ADCY8: variants seen among roughly 807,000 people sequenced by gnomAD.
The protein encoded by ADCY8 is adenylate cyclase type 8.
Under a neutral mutation model 119.7 loss-of-function variants are expected in ADCY8, and 51 were observed. The observed-to-expected ratio is 0.43, with a 90% CI of 0.34 to 0.54. ADCY8 has a LOEUF of 0.54. Ranked by LOEUF, ADCY8 falls within the 20% of genes least tolerant of loss-of-function variation. The pLI, the probability that ADCY8 is intolerant of heterozygous loss-of-function variation, is 0.03. For synonymous variants in ADCY8, 665 were observed against 651.0 expected, an observed-to-expected ratio of 1.02 and a Z score of -0.33; for missense variants, 1,383 against 1,598.8, an observed-to-expected ratio of 0.87 and a Z score of 2.30.
At chr8:130,834,144 T>C (rs1816918197) in intron 12 of ADCY8, among the ~76,000 whole-genome samples, 1 of 152,166 alleles carries the variant, frequency 6.6e-6, no homozygotes, top group Non-Finnish European at 1.5e-5. Flanking sequence ...CAAAAAATCA[T>C]GTTTTATACC....
chr8:130,825,747 C>A (rs891793046), intron 12 of ADCY8, among the ~76,000 whole-genome samples: 1 of 152,210 alleles, frequency 6.6e-6, no homozygotes, highest in Non-Finnish European at 1.5e-5. Context: ...ATGTGGCTAA[C>A]CTCTTCGCTG....
At chr8:131,031,588 T>G (rs1823998606) in intron 1 of ADCY8, among the ~76,000 whole-genome samples, 1 of 152,316 alleles carries the variant, frequency 6.6e-6, no homozygotes, top group Admixed American at 6.5e-5. Flanking sequence ...GTTTAGATCC[T>G]GAGGGCTTTA....
Position 131,039,742 on chromosome 8 carries a change from C to T in ADCY8, c.592G>A (p.Val198Ile). ...GCCGAGGCCAGGCTCAAGTGTAGGACCAAGAGAGTGAGTTTGGTCAGCACG... is the reference window on the plus strand; with the variant it reads ...GCCGAGGCCAGGCTCAAGTGTAGGATCAAGAGAGTGAGTTTGGTCAGCACG... ...LDVLTKLTLL[V>I]LHLSLASAPM... The change falls in exon 1 of 18, where the codon GTC (valine) becomes ATC (isoleucine). Residue 198 changes from valine to isoleucine, a missense_variant. By Grantham distance (29) the Val-to-Ile change is conservative (BLOSUM62 3). Around this residue, in one of 2 missense-constraint regions of ADCY8, gnomAD observed 455 missense variants for 435.3 expected, o/e 1.05. Transcript: ENST00000286355. 6.2e-7 allele frequency: 1 copy of T among 1,614,076 alleles called. No homozygotes were observed. The highest frequency in any genetic ancestry group is 8.5e-7 in the Non-Finnish European group (1 of 1,180,026).
intron 5 of ADCY8, among the ~76,000 whole-genome samples, chr8:130,918,636 C>CT (rs1476831331): frequency 6.6e-6 from 1 of 152,114 alleles, no homozygotes; most frequent in Non-Finnish European, 1.5e-5. Flanking sequence ...TAGATGTCAA[C>CT]TTAGAACTGT....
chr8:130,835,133 C>G lies in ADCY8; in HGVS notation c.2675+1144G>C, dbSNP rs371288437. Among the ~76,000 whole-genome samples the G allele has an allele frequency of 1.8e-4, 27 of 152,266 alleles. 2 individuals carry two copies. The East Asian group carries it at 2.5e-3, about 14-fold the overall frequency. On this transcript the variant is annotated intron_variant, in intron 12 of 17. Transcript: ENST00000286355. ...TTCCTTTGACTGTTGGCCACTTATT[C>G]TGGCCTCAGCTAGTCCTGTGTGCTT...
chr8:130,873,636 A>T (rs1433204572), intron 8 of ADCY8, among the ~76,000 whole-genome samples: 5 of 152,068 alleles, frequency 3.3e-5, no homozygotes, highest in Non-Finnish European at 7.4e-5. Flanking sequence ...TCTTTTTATC[A>T]AAGATTGTAG....
At chr8:130,856,119 G>T (rs573094744) in intron 9 of ADCY8, among the ~76,000 whole-genome samples, 1 of 151,766 alleles carries the variant, frequency 6.6e-6, no homozygotes, top group Non-Finnish European at 1.5e-5. Context: ...TAGGAGCCAG[G>T]TGAGCTGTCA....
Position 131,040,097 on chromosome 8 carries a change from G to C in ADCY8, c.237C>G (p.His79Gln). The C allele has an allele frequency of 2.0e-6, 3 of 1,528,914 alleles. No homozygotes were observed. The highest frequency in any genetic ancestry group is 1.7e-6 in the Non-Finnish European group (2 of 1,144,058). The allele number at this position is 1,528,914 out of a possible 1,614,324, so 94.7% of individuals were successfully genotyped here. A position where few individuals can be genotyped will look rare whatever the true frequency, so the allele number is the denominator to read the frequency against. Reference protein sequence around the residue: ...SDPAGGGPNHHAPQLSGDSAL... With the variant: ...SDPAGGGPNHQAPQLSGDSAL... ...CCGAGTCGCCTGACAGCTGCGGCGCGTGGTGGTTGGGGCCGCCGCCCGCAG... is the reference window on the plus strand; with the variant it reads ...CCGAGTCGCCTGACAGCTGCGGCGCCTGGTGGTTGGGGCCGCCGCCCGCAG... The change falls in exon 1 of 18, where the codon CAC becomes CAG. Residue 79 changes from histidine (H) to glutamine (Q), a missense_variant. His to Gln is a conservative substitution (Grantham distance 24). Around this residue, in one of 2 missense-constraint regions of ADCY8, gnomAD observed 455 missense variants for 435.3 expected, o/e 1.05. Transcript: ENST00000286355.
chr8:130,955,634 G>C (rs1002355721), intron 2 of ADCY8, among the ~76,000 whole-genome samples: 2 of 152,110 alleles, frequency 1.3e-5, no homozygotes, highest in African/African-American at 4.8e-5. Flanking sequence ...ATGTCAAATG[G>C]TGCCAAAAAT....
chr8:130,782,280 TA>T (rs1815106462), intron 17 of ADCY8, among the ~76,000 whole-genome samples: 1 of 152,204 alleles, frequency 6.6e-6, no homozygotes. Flanking sequence ...GTTAGCTCTT[TA>T]AAATTTGCAG....
chr8:130,910,779 A>G (rs899132547), intron 5 of ADCY8, among the ~76,000 whole-genome samples: 2 of 152,238 alleles, frequency 1.3e-5, no homozygotes, highest in Admixed American at 1.3e-4. Context: ...TCTTGAGAAG[A>G]CAGAAGAATT....
chr8:130,891,861 G>A (rs184534768), intron 7 of ADCY8, among the ~76,000 whole-genome samples: 1 of 152,184 alleles, frequency 6.6e-6, no homozygotes, highest in African/African-American at 2.4e-5. Context: ...CCATAAGCAA[G>A]GTATCTTAGT....
intron 11 of ADCY8, among the ~76,000 whole-genome samples, chr8:130,843,804 A>T (rs929429626): frequency 1.3e-5 from 2 of 152,132 alleles, no homozygotes; most frequent in Non-Finnish European, 2.9e-5. Context: ...TACGTCAATA[A>T]ATTTGACAGG....
intron 8 of ADCY8, among the ~76,000 whole-genome samples, chr8:130,870,047 C>T (rs1283755526): frequency 1.4e-4 from 18 of 128,706 alleles, no homozygotes; most frequent in Non-Finnish European, 2.4e-4. Context: ...GAGTCTTGCT[C>T]TTGTCACCCA....
At chr8:130,923,064 A>G (rs1268175063) in intron 5 of ADCY8, among the ~76,000 whole-genome samples, 1 of 152,250 alleles carries the variant, frequency 6.6e-6, no homozygotes, top group Non-Finnish European at 1.5e-5. Context: ...TTTCATTATT[A>G]CAAATAATTT....
intron 2 of ADCY8, among the ~76,000 whole-genome samples, chr8:130,969,339 T>C (rs1328348684): frequency 6.6e-6 from 1 of 152,196 alleles, no homozygotes; most frequent in Non-Finnish European, 1.5e-5. Context: ...GCTGTAGAAT[T>C]TGAATTGCAG....
At chr8:131,035,335 T>C (rs1314770813) in intron 1 of ADCY8, among the ~76,000 whole-genome samples, 2 of 152,178 alleles carry the variant, frequency 1.3e-5, no homozygotes, top group African/African-American at 4.8e-5. Flanking sequence ...TTCTCGGTCT[T>C]TCCGATGCCA....
intron 4 of ADCY8, among the ~76,000 whole-genome samples, chr8:130,938,151 C>T (rs1820845913): frequency 6.6e-6 from 1 of 152,116 alleles, no homozygotes; most frequent in African/African-American, 2.4e-5. Context: ...CAGATACTGC[C>T]TCTGTCTTTT....
chr8:130,848,306 C>T (rs1300959083), intron 10 of ADCY8, among the ~76,000 whole-genome samples: 3 of 152,176 alleles, frequency 2.0e-5, no homozygotes, highest in East Asian at 1.9e-4. Context: ...ACAAATTCTG[C>T]ACCCCAGAAA....
Sources: gnomAD v4.1 joint callset for allele counts (sites outside exome capture counted in the v4.1 genomes callset) on GRCh38, gnomAD v4.1.1 for gene constraint, gnomAD v4.1.1 regional missense constraint, MANE v1.5 for transcripts, NCBI Gene and HGNC (gene_info 2026-07-23, HGNC 2026-07-21) for gene names.